PDCD2L: variants seen among roughly 807,000 people sequenced by gnomAD.
PDCD2L encodes the protein programmed cell death 2 like.
PDCD2L carries 44 observed loss-of-function variants against 40.4 expected under a neutral mutation model. The ratio of observed to expected loss-of-function variants is 1.09; its 90% CI spans 0.86 to 1.40. PDCD2L has a LOEUF of 1.40. PDCD2L is among the 40% of genes most tolerant of loss of function. PDCD2L has a pLI of 0.00. For synonymous variants in PDCD2L, 194 were observed against 174.6 expected, an observed-to-expected ratio of 1.11 and a Z score of -0.88; for missense variants, 470 against 453.7, an observed-to-expected ratio of 1.04 and a Z score of -0.33.
chr19:34,409,317 C>G lies in PDCD2L; in HGVS notation c.493C>G (p.Leu165Val), dbSNP rs377475901. ...AGACTGGACTGCTCGGCTCCAAGACCTCCGCCTGCAGGATGCTGTCCTGGG... is the reference window on the plus strand; with the variant it reads ...AGACTGGACTGCTCGGCTCCAAGACGTCCGCCTGCAGGATGCTGTCCTGGG... ...DVDWTARLQD[L>V]RLQDAVLGAA... Residue 165 changes from leucine to valine, a missense_variant, in exon 4 of 7, where the codon CTC becomes GTC. Physicochemically the swap from Leu to Val is conservative, Grantham distance 32. Coordinates refer to ENST00000246535, the MANE Select transcript of PDCD2L (RefSeq NM_032346.2). 6.2e-7 allele frequency: 1 copy of G among 1,614,022 alleles called. No individual in the cohort carries two copies. The highest frequency in any genetic ancestry group is 1.1e-5 in the South Asian group (1 of 91,062).
At chr19:34,424,902 G>A (rs1004189500) in intron 6 of PDCD2L, among the ~76,000 whole-genome samples, 6 of 151,896 alleles carry the variant, frequency 4.0e-5, no homozygotes, top group Non-Finnish European at 5.9e-5. Flanking sequence ...CTACCACCAC[G>A]CCCAGCTAAT....
intron 5 of PDCD2L, among the ~76,000 whole-genome samples, chr19:34,417,628 A>C (rs1372987875): frequency 6.6e-6 from 1 of 151,998 alleles, no homozygotes; most frequent in Non-Finnish European, 1.5e-5. Flanking sequence ...AGAAAAAAAA[A>C]GTTAAGGAAC....
chr19:34,417,427 G>A (rs2075131034), intron 5 of PDCD2L, among the ~76,000 whole-genome samples: 1 of 151,902 alleles, frequency 6.6e-6, no homozygotes, highest in Non-Finnish European at 1.5e-5. Context: ...GGCCAATATG[G>A]TGAAACCCTG....
In PDCD2L at chr19:34,416,860, A is replaced by T. The variant is rs367691855; in HGVS notation, c.797+3013A>T. ...GCTGGACTCGGTGGCTCACGCCAGT[A>T]ATCCCAACACTTTGGGAGGCCGAGG... On this transcript the variant is annotated intron_variant, in intron 5 of 6. Coordinates refer to ENST00000246535, the MANE Select transcript of PDCD2L (RefSeq NM_032346.2). 9.3e-4 allele frequency among the ~76,000 whole-genome samples: 141 copies of T among 152,360 alleles called. 5 individuals are homozygous for T. In the South Asian group the frequency reaches 0.027, roughly 29 times the overall value.
chr19:34,417,056 A>G (rs1356200025), intron 5 of PDCD2L, among the ~76,000 whole-genome samples: 1 of 151,392 alleles, frequency 6.6e-6, no homozygotes, highest in African/African-American at 2.4e-5. Context: ...GGAGGTTGCA[A>G]TCAGCCGAGA....
Position 34,404,423 on chromosome 19 carries a change from C to A in PDCD2L, c.-8C>A. 1 of 1,540,098 alleles carries A rather than the reference C, an allele frequency of 6.5e-7. No homozygotes were observed. On this transcript the variant is annotated 5_prime_UTR_variant, in exon 1 of 7. Coordinates refer to ENST00000246535, the MANE Select transcript of PDCD2L (RefSeq NM_032346.2). ...TAGTTTGCGTTTTCACCTGGTCGCC[C>A]GGCGGCCATGGCGGCCGTTCTGAAG...
At chr19:34,414,207 G>A (rs561688999) in intron 5 of PDCD2L, among the ~76,000 whole-genome samples, 2 of 151,154 alleles carry the variant, frequency 1.3e-5, no homozygotes, top group Admixed American at 6.6e-5. Flanking sequence ...AGGGAGTCGC[G>A]CTCTGTCGCC....
intron 3 of PDCD2L, among the ~76,000 whole-genome samples, chr19:34,406,572 T>C (rs573196507): frequency 1.5e-4 from 23 of 151,744 alleles, no homozygotes; most frequent in Middle Eastern, 3.4e-3. Flanking sequence ...TTTAAATTTT[T>C]AGTAGAGACA....
intron 5 of PDCD2L, among the ~76,000 whole-genome samples, chr19:34,416,368 C>T (rs1049004827): frequency 1.3e-5 from 2 of 152,128 alleles, no homozygotes; most frequent in Non-Finnish European, 2.9e-5. Flanking sequence ...CGGGGATTGC[C>T]TCTCAGAAGC....
intron 6 of PDCD2L, among the ~76,000 whole-genome samples, chr19:34,424,051 T>C (rs2075164996): frequency 6.6e-6 from 1 of 152,000 alleles, no homozygotes; most frequent in Non-Finnish European, 1.5e-5. Flanking sequence ...TTCAGAACCT[T>C]GTATAGACCC....
At chr19:34,408,219 CT>C (rs1434287588) in intron 3 of PDCD2L, among the ~76,000 whole-genome samples, 1 of 152,116 alleles carries the variant, frequency 6.6e-6, no homozygotes, top group African/African-American at 2.4e-5. Context: ...GCACCCAGTT[CT>C]TGATGTTTGC....
intron 4 of PDCD2L, among the ~76,000 whole-genome samples, chr19:34,412,690 C>T (rs1322617392): frequency 6.7e-6 from 1 of 150,200 alleles, no homozygotes; most frequent in Non-Finnish European, 1.5e-5. Context: ...TGCACTCCAG[C>T]CTGGGTGACA....
At chr19:34,416,195 G>A (rs2075125810) in intron 5 of PDCD2L, among the ~76,000 whole-genome samples, 1 of 152,096 alleles carries the variant, frequency 6.6e-6, no homozygotes, top group African/African-American at 2.4e-5. Context: ...TGCTGGGATG[G>A]CAGGTGTGAG....
chr19:34,423,445 A>G (rs925530378), intron 6 of PDCD2L, among the ~76,000 whole-genome samples: 2 of 151,558 alleles, frequency 1.3e-5, no homozygotes, highest in African/African-American at 4.8e-5. Flanking sequence ...CGGCATCCCA[A>G]AGTGCTTGGA....
intron 4 of PDCD2L, among the ~76,000 whole-genome samples, chr19:34,412,773 T>G (rs1223262982): frequency 6.6e-6 from 1 of 151,820 alleles, no homozygotes; most frequent in Non-Finnish European, 1.5e-5. Context: ...TGACAGTTTT[T>G]TTTTTTTTTT....
chr19:34,406,402 T>C (rs927462593), intron 3 of PDCD2L, among the ~76,000 whole-genome samples: 4 of 151,902 alleles, frequency 2.6e-5, no homozygotes, highest in Admixed American at 1.3e-4. Context: ...TTTTTTTTTT[T>C]TGAGACGGAG....
At chr19:34,408,981 G>A (rs1460208237) in intron 3 of PDCD2L, 180 bp from the exon 4 acceptor site, 1 of 596,546 alleles carries the variant, frequency 1.7e-6, no homozygotes, top group Non-Finnish European at 3.0e-6. Context: ...AGTATTTTAA[G>A]TCACCTCCAA....
intron 4 of PDCD2L, among the ~76,000 whole-genome samples, chr19:34,410,762 T>TTTTATTTATTTATTTATTTATTTA (rs1555724388): frequency 2.1e-5 from 3 of 146,248 alleles, no homozygotes; most frequent in African/African-American, 7.5e-5. Context: ...ACTTTTTATT[T>TTTTATTTATTTATTTATTTATTTA]TTTATTTATT....
At chr19:34,408,479 G>T (rs1489078480) in intron 3 of PDCD2L, among the ~76,000 whole-genome samples, 1 of 152,114 alleles carries the variant, frequency 6.6e-6, no homozygotes, top group Non-Finnish European at 1.5e-5. Flanking sequence ...ACGGGCACGT[G>T]CCACCATGCC....
Sources: allele counts gnomAD v4.1 joint callset (sites outside exome capture counted in the v4.1 genomes callset), GRCh38; gene constraint gnomAD v4.1.1; transcripts MANE v1.5; gene names NCBI Gene and HGNC (gene_info 2026-07-23, HGNC 2026-07-21).